Variants in ANO3 observed in about 807,000 individuals in gnomAD.
ANO3 encodes anoctamin 3, also known as anoctamin-3.
Under a neutral mutation model 144.8 loss-of-function variants are expected in ANO3, and 99 were observed. That is an observed-to-expected ratio of 0.68 (90% CI 0.58 to 0.81). The LOEUF (loss-of-function observed/expected upper bound fraction) is 0.81, where lower values mean the gene tolerates loss of function less well. Among genes scored for constraint, ANO3 ranks in the 30% least tolerant of loss-of-function variants. The pLI, the probability that ANO3 is intolerant of heterozygous loss-of-function variation, is 0.00. For missense variants in ANO3, 905 were observed against 1,202.2 expected, an observed-to-expected ratio of 0.75 and a Z score of 3.66; for synonymous variants, 414 against 392.6, an observed-to-expected ratio of 1.05 and a Z score of -0.64.
chr11:26,567,959 T>C (rs1850661298), intron 14 of ANO3, among the ~76,000 whole-genome samples: 2 of 151,928 alleles, frequency 1.3e-5, no homozygotes, highest in Non-Finnish European at 2.9e-5. Context: ...AATGATACGA[T>C]TGGGAAAGGG....
rs1850217815 is a variant in ANO3 at position 26,559,870 on chromosome 11, ACACAC to A, written c.1447+94_1447+98del. 5.0e-6 allele frequency: 4 copies of A among 807,478 alleles called. No individual in the cohort carries two copies. The East Asian group carries it at 1.1e-4, about 22-fold the overall frequency. The allele number at this position is 807,478 out of a possible 1,614,324, so 50.0% of individuals were successfully genotyped here. ...CACACACACACACACACACACACAC[ACACAC>A]CATGAATCAATTCAAAAATAAAGCC... is the stretch of plus-strand genomic sequence containing the variant. On this transcript the variant is annotated intron_variant, in intron 14 of 26. Coordinates refer to ENST00000256737, the MANE Select transcript of ANO3 (RefSeq NM_031418.4).
intron 7 of ANO3, 134 bp from the exon 8 acceptor site, chr11:26,531,071 G>A: frequency 2.2e-6 from 2 of 896,998 alleles, no homozygotes; most frequent in Non-Finnish European, 3.3e-6. Context: ...CAATGCACGT[G>A]TATGTGTGGT....
At chr11:26,564,367 A>G (rs996766923) in intron 14 of ANO3, among the ~76,000 whole-genome samples, 5 of 151,646 alleles carry the variant, frequency 3.3e-5, no homozygotes, top group Non-Finnish European at 3.0e-5. Flanking sequence ...TTTGTTTTTT[A>G]CATTACTAAT....
chr11:26,293,609 T>A (rs1854017815), intron 1 of ANO3, among the ~76,000 whole-genome samples: 1 of 144,630 alleles, frequency 6.9e-6, no homozygotes, highest in African/African-American at 2.5e-5. Context: ...CTTTGTCATA[T>A]GTAGAAGAAA....
intron 1 of ANO3, among the ~76,000 whole-genome samples, chr11:26,263,217 A>G (rs1167612806): frequency 2.0e-5 from 3 of 152,148 alleles, no homozygotes; most frequent in Non-Finnish European, 2.9e-5. Context: ...CTTAATTCTG[A>G]TCAAATATGT....
chr11:26,332,328 T>C lies in ANO3; in HGVS notation c.46+7T>C. The C allele has an allele frequency of 6.2e-7, 1 of 1,613,724 alleles. No homozygotes were observed. Among genetic ancestry groups the C allele is most frequent in the Non-Finnish European group, 8.5e-7 (1 of 1,179,974 alleles). ...TCCTTTAAACAGCAAAAAGGTCAGT[T>C]GGAATCTTGCTCCCCTCTCCCTGCG... On this transcript the variant is annotated splice_region_variant and intron_variant, in intron 1 of 26. Transcript: ENST00000256737.
At chr11:26,283,885 T>C (rs1853741104) in intron 1 of ANO3, among the ~76,000 whole-genome samples, 1 of 152,114 alleles carries the variant, frequency 6.6e-6, no homozygotes, top group South Asian at 2.1e-4. Flanking sequence ...AGACCAAATT[T>C]AGATAGAGAA....
At chr11:26,657,035 C>A (rs1290036633) in intron 26 of ANO3, among the ~76,000 whole-genome samples, 2 of 152,120 alleles carry the variant, frequency 1.3e-5, no homozygotes, top group East Asian at 3.9e-4. Context: ...TGTATTATTG[C>A]CTTGTTTAGC....
At chr11:26,542,625 CAT>C (rs1401706485) in intron 11 of ANO3, among the ~76,000 whole-genome samples, 1 of 152,074 alleles carries the variant, frequency 6.6e-6, no homozygotes, top group Non-Finnish European at 1.5e-5. Flanking sequence ...ATGACTAACA[CAT>C]GTTTCACATG....
intron 8 of ANO3, among the ~76,000 whole-genome samples, chr11:26,533,999 A>G (rs907527258): frequency 3.4e-4 from 52 of 152,246 alleles, no homozygotes; most frequent in African/African-American, 1.3e-3. Flanking sequence ...TTGACTCTCA[A>G]ATGGTTCTTC....
chr11:26,196,536 T>A (rs754309819), intron 1 of ANO3, among the ~76,000 whole-genome samples: 38 of 152,038 alleles, frequency 2.5e-4, no homozygotes, highest in Non-Finnish European at 3.2e-4. Context: ...AAGTAGTGGG[T>A]TTTGGAAATC....
intron 3 of ANO3, among the ~76,000 whole-genome samples, chr11:26,449,151 C>T (rs1019449301): frequency 1.3e-5 from 2 of 152,146 alleles, no homozygotes; most frequent in African/African-American, 4.8e-5. Context: ...ACAGCTCAAC[C>T]ATCTTGTGTT....
chr11:26,357,760 T>C (rs1855820261), intron 1 of ANO3, among the ~76,000 whole-genome samples: 1 of 152,316 alleles, frequency 6.6e-6, no homozygotes, highest in South Asian at 2.1e-4. Context: ...TTTTTATAAC[T>C]GAGTGTCACA....
At chr11:26,650,822 T>C (rs888576139) in intron 24 of ANO3, among the ~76,000 whole-genome samples, 7 of 152,192 alleles carry the variant, frequency 4.6e-5, no homozygotes, top group Admixed American at 6.5e-5. Flanking sequence ...CATGTGATCG[T>C]TGGAGTTACA....
intron 1 of ANO3, among the ~76,000 whole-genome samples, chr11:26,338,896 G>A (rs1449645394): frequency 1.3e-5 from 2 of 152,186 alleles, no homozygotes; most frequent in African/African-American, 4.8e-5. Flanking sequence ...GCGAGGGTCC[G>A]CGGCTTCATT....
intron 4 of ANO3, among the ~76,000 whole-genome samples, chr11:26,467,105 A>C (rs975317555): frequency 6.6e-6 from 1 of 152,006 alleles, no homozygotes; most frequent in Non-Finnish European, 1.5e-5. Flanking sequence ...CTATTAATCA[A>C]AATGTGTTTA....
chr11:26,484,888 G>A (rs1860381913), intron 4 of ANO3, among the ~76,000 whole-genome samples: 1 of 152,188 alleles, frequency 6.6e-6, no homozygotes. Flanking sequence ...TTATTTTGGA[G>A]ATTTATGATT....
chr11:26,244,395 T>C (rs983129410), intron 1 of ANO3, among the ~76,000 whole-genome samples: 1 of 152,208 alleles, frequency 6.6e-6, no homozygotes, highest in Non-Finnish European at 1.5e-5. Context: ...GTTTACTAGT[T>C]TCCTAGCTAC....
intron 14 of ANO3, among the ~76,000 whole-genome samples, chr11:26,570,670 A>C (rs987700857): frequency 6.6e-6 from 1 of 152,104 alleles, no homozygotes; most frequent in South Asian, 2.1e-4. Context: ...GTGTTTGATC[A>C]TTTCTTCTCA....
Sources: gnomAD v4.1 joint callset for allele counts (sites outside exome capture counted in the v4.1 genomes callset) on GRCh38, gnomAD v4.1.1 for gene constraint, MANE v1.5 for transcripts, NCBI Gene and HGNC (gene_info 2026-07-23, HGNC 2026-07-21) for gene names.